STARD9: variants seen among roughly 807,000 people sequenced by gnomAD.
STARD9 encodes the protein stAR-related lipid transfer protein 9.
Under a neutral mutation model 399.8 loss-of-function variants are expected in STARD9, and 346 were observed. The observed-to-expected ratio is 0.87, with a 90% CI of 0.79 to 0.95. STARD9 has a LOEUF of 0.95. Among genes scored for constraint, STARD9 ranks in the 40% least tolerant of loss-of-function variants. The probability of loss-of-function intolerance (pLI) is 0.00; values close to 1 mark genes in which losing one functional copy is unlikely to be tolerated. For missense variants in STARD9, 5,832 were observed against 5,667.5 expected, an observed-to-expected ratio of 1.03 and a Z score of -0.93; for synonymous variants, 2,203 against 2,143.5, an observed-to-expected ratio of 1.03 and a Z score of -0.77.
intron 26 of STARD9, among the ~76,000 whole-genome samples, chr15:42,712,087 AT>A (rs368318167): frequency 2.3e-3 from 2 of 866 alleles, no homozygotes; most frequent in Non-Finnish European, 4.8e-3. Flanking sequence ...TATATTATAT[AT>A]ATATATATAA....
Position 42,712,494 on chromosome 15 carries a change from A to G in STARD9, c.13285-4183A>G, listed in dbSNP as rs1275406186. ...GCCCATTTTGAGTTAATTCTTACAT[A>G]TGGTGAGAGCTAGGGGTTGAATTTC... On this transcript the variant is annotated intron_variant, in intron 26 of 32. Transcript: ENST00000290607. Among the ~76,000 whole-genome samples the G allele has an allele frequency of 7.9e-5, 12 of 152,172 alleles. No homozygotes were observed. In the South Asian group the frequency reaches 2.5e-3, roughly 32 times the overall value.
Position 42,685,562 on chromosome 15 carries a change from A to G in STARD9, c.3984A>G (p.Arg1328=). 1 of 1,537,666 alleles carries G rather than the reference A, an allele frequency of 6.5e-7. No homozygotes were observed. Among genetic ancestry groups the G allele is most frequent in the South Asian group, 1.2e-5 (1 of 84,064 alleles). Reference sequence around the variant, plus strand: ...CTCTCCAAGGCATGCAGCTTTCAAGAGAGAGCCCACTGATGTCCATGGATT... The same window carrying G: ...CTCTCCAAGGCATGCAGCTTTCAAGGGAGAGCCCACTGATGTCCATGGATT... The part of the protein sequence containing the change: ...ADSLQGMQLS[R]ESPLMSMDSW... The change falls in exon 23 of 33, where the codon AGA becomes AGG. Residue 1328 remains arginine, a synonymous_variant. Coordinates refer to ENST00000290607, the MANE Select transcript of STARD9 (RefSeq NM_020759.3).
intron 3 of STARD9, among the ~76,000 whole-genome samples, chr15:42,589,632 G>T (rs1260616029): frequency 2.0e-5 from 3 of 148,020 alleles, no homozygotes; most frequent in African/African-American, 7.5e-5. Flanking sequence ...TTTAAATGGA[G>T]TTTCGCTCTT....
At chr15:42,577,432 C>T (rs1009023690) in intron 1 of STARD9, among the ~76,000 whole-genome samples, 31 of 152,142 alleles carry the variant, frequency 2.0e-4, no homozygotes, top group African/African-American at 6.8e-4. Context: ...GGATTAGAGG[C>T]GTGAGCCACT....
intron 3 of STARD9, among the ~76,000 whole-genome samples, chr15:42,594,638 T>G (rs547458315): frequency 7.2e-5 from 11 of 152,200 alleles, no homozygotes; most frequent in Admixed American, 2.0e-4. Context: ...TAGAAGTTTT[T>G]TTTGTTTGTT....
chr15:42,610,071 C>T (rs919054588), intron 3 of STARD9, among the ~76,000 whole-genome samples: 3 of 151,758 alleles, frequency 2.0e-5, no homozygotes, highest in Non-Finnish European at 2.9e-5. Flanking sequence ...CCAGCCTGGG[C>T]GACAGAACGA....
At chr15:42,582,468 T>C (rs556137814) in intron 1 of STARD9, among the ~76,000 whole-genome samples, 3 of 152,222 alleles carry the variant, frequency 2.0e-5, no homozygotes, top group African/African-American at 4.8e-5. Context: ...AGAGATTGTT[T>C]AGTTGTTAGC....
At position 42,692,936 on chromosome 15, in the gene STARD9, G is replaced by A. The variant is rs780708081; in HGVS notation, c.11358G>A (p.Glu3786=). The change falls in exon 23 of 33, where the codon GAG becomes GAA. Residue 3786 remains glutamate (E), a synonymous_variant. Transcript: ENST00000290607. ...TGCCAGGGGTACCTCAGAAGAGAGA[G>A]GCAGAGGAAACAGCACAGAAAATGG... ...GDVPGVPQKR[E]AEETAQKMAQ... is the part of the protein sequence containing the mutation. 1.2e-5 allele frequency: 18 copies of A among 1,537,096 alleles called. No homozygotes were observed. Among genetic ancestry groups the A allele is most frequent in the Non-Finnish European group, 1.6e-5 (18 of 1,146,920 alleles).
chr15:42,629,319 T>G (rs1221007012), intron 3 of STARD9, among the ~76,000 whole-genome samples: 1 of 152,190 alleles, frequency 6.6e-6, no homozygotes, highest in African/African-American at 2.4e-5. Context: ...GTGCCTGGCC[T>G]ATAGTTTTCA....
intron 3 of STARD9, among the ~76,000 whole-genome samples, chr15:42,588,225 T>C (rs1427636419): frequency 6.6e-6 from 1 of 152,066 alleles, no homozygotes; most frequent in African/African-American, 2.4e-5. Context: ...TGTGTGTGTG[T>C]GTCTGTGTGT....
chr15:42,691,426 C>G lies in STARD9; in HGVS notation c.9848C>G (p.Pro3283Arg). Residue 3283 changes from proline to arginine, a missense_variant, in exon 23 of 33, where the codon CCT (proline) becomes CGT (arginine). This residue lies in a region of STARD9 where 5,828 missense variants were observed against 5,651.1 expected (regional missense o/e 1.03). Coordinates refer to ENST00000290607, the MANE Select transcript of STARD9 (RefSeq NM_020759.3). ...VSLRQNETPQPAAQRSGHLYT... is the reference protein window; with the variant it reads ...VSLRQNETPQRAAQRSGHLYT... ...TTGAGGCAAAATGAAACACCGCAGCCTGCTGCTCAGAGGAGTGGCCACCTC... is the reference window on the plus strand; with the variant it reads ...TTGAGGCAAAATGAAACACCGCAGCGTGCTGCTCAGAGGAGTGGCCACCTC... 3 of 1,537,260 alleles carry G rather than the reference C, an allele frequency of 2.0e-6. No homozygotes were observed. Among genetic ancestry groups the G allele is most frequent in the Non-Finnish European group, 2.6e-6 (3 of 1,146,912 alleles).
At position 42,607,128 on chromosome 15, in the gene STARD9, C is replaced by G. The variant is rs2058743280; in HGVS notation, c.234+21491C>G. Among the ~76,000 whole-genome samples, 3 of 147,254 alleles carry G rather than the reference C, an allele frequency of 2.0e-5. No homozygotes were observed. In the Admixed American group the frequency reaches 2.1e-4, roughly 10 times the overall value. ...TCCTCCACATGGAGGAGTCTAAAGT[C>G]TGTGCACAACCCTGTAACCATTGTG... On this transcript the variant is annotated intron_variant, in intron 3 of 32. Transcript: ENST00000290607.
rs888576023 is a variant in STARD9 at position 42,575,821 on chromosome 15, T to C, written c.47+59T>C. ...CACAGGAGCTGAAAAGAGCGGGAGGTCCGCGTCTCCCCCTGCAGAGATTCT... is the reference window on the plus strand; with the variant it reads ...CACAGGAGCTGAAAAGAGCGGGAGGCCCGCGTCTCCCCCTGCAGAGATTCT... On this transcript the variant is annotated intron_variant, in intron 1 of 32. Coordinates refer to ENST00000290607, the MANE Select transcript of STARD9 (RefSeq NM_020759.3). The C allele has an allele frequency of 3.3e-5, 49 of 1,488,938 alleles. No homozygotes were observed. The African/African-American group carries it at 5.2e-4, about 16-fold the overall frequency. The allele number at this position is 1,488,938 out of a possible 1,614,324, so 92.2% of individuals were successfully genotyped here. A position where few individuals can be genotyped will look rare whatever the true frequency, so the allele number is the denominator to read the frequency against.
chr15:42,663,195 G>A, intron 11 of STARD9, 86 bp from the exon 12 acceptor site: 1 of 1,222,638 alleles, frequency 8.2e-7, no homozygotes, highest in Non-Finnish European at 1.1e-6. Flanking sequence ...TGATACTTAA[G>A]TCTGTGTTCT....
At chr15:42,620,900 G>T (rs1258123311) in intron 3 of STARD9, among the ~76,000 whole-genome samples, 1 of 152,012 alleles carries the variant, frequency 6.6e-6, no homozygotes, top group Non-Finnish European at 1.5e-5. Flanking sequence ...GATTATAGGT[G>T]CCTGCCACCA....
chr15:42,627,484 T>C (rs998063319), intron 3 of STARD9, among the ~76,000 whole-genome samples: 1 of 152,232 alleles, frequency 6.6e-6, no homozygotes, highest in African/African-American at 2.4e-5. Flanking sequence ...TTTTGAAATG[T>C]ACAATAAATT....
At chr15:42,651,107 G>T in intron 8 of STARD9, 22 bp downstream of exon 8, 1 of 1,505,164 alleles carries the variant, frequency 6.6e-7, no homozygotes. Flanking sequence ...GTTTGTTTCT[G>T]TCATTCTTTT....
intron 1 of STARD9, chr15:42,581,479 A>T (rs2058168725): frequency 2.0e-6 from 3 of 1,512,246 alleles, no homozygotes; most frequent in Non-Finnish European, 2.7e-6. Context: ...CTGCCAGCGG[A>T]GGAGGACATG....
At chr15:42,646,765 T>A (rs1357622399) in intron 7 of STARD9, among the ~76,000 whole-genome samples, 1 of 152,242 alleles carries the variant, frequency 6.6e-6, no homozygotes, top group African/African-American at 2.4e-5. Flanking sequence ...TGGCCAACTG[T>A]TGGGCGCAAG....
Sources: allele counts gnomAD v4.1 joint callset (sites outside exome capture counted in the v4.1 genomes callset), GRCh38; gene constraint gnomAD v4.1.1; regional missense constraint gnomAD v4.1.1; transcripts MANE v1.5; gene names NCBI Gene and HGNC (gene_info 2026-07-23, HGNC 2026-07-21).